The following GEN1 variants were observed in gnomAD, a reference collection of about 807,000 sequenced individuals.
GEN1 encodes the protein flap endonuclease GEN homolog 1.
Under a neutral mutation model 67.6 loss-of-function variants are expected in GEN1, and 64 were observed. That is an observed-to-expected ratio of 0.95 (90% CI 0.77 to 1.17). The LOEUF (loss-of-function observed/expected upper bound fraction) is 1.17. GEN1 is among the 50% of genes most tolerant of loss of function. The pLI, the probability that GEN1 is intolerant of heterozygous loss-of-function variation, is 0.00. For synonymous variants in GEN1, 371 were observed against 359.4 expected, an observed-to-expected ratio of 1.03 and a Z score of -0.37; for missense variants, 1,058 against 1,048.3, an observed-to-expected ratio of 1.01 and a Z score of -0.13.
At chr2:17,759,423 A>T (rs1418054644) in intron 1 of GEN1, among the ~76,000 whole-genome samples, 1 of 152,212 alleles carries the variant, frequency 6.6e-6, no homozygotes. Flanking sequence ...TCTACAATGA[A>T]CATTATGTGA....
rs545764038 is a variant in GEN1, at chr2:17,778,811, G to A, written c.1264+748G>A. On this transcript the variant is annotated intron_variant, in intron 12 of 13. Transcript: ENST00000381254. ...TTTAACCCTGCTTAGTTTTCAGTGG[G>A]AATTTTTTATTGTCAAATTATTCTT... is the stretch of plus-strand genomic sequence containing the variant. Among the ~76,000 whole-genome samples the A allele has an allele frequency of 2.6e-5, 4 of 151,758 alleles. No homozygotes were observed. In the South Asian group the frequency reaches 6.2e-4, roughly 24 times the overall value.
intron 1 of GEN1, chr2:17,755,186 AAAACATCTGGCCTTGTTGTAACC>A (rs1331408254): frequency 6.6e-6 from 1 of 152,248 alleles, no homozygotes; most frequent in Non-Finnish European, 1.5e-5. Context: ...AAAATAGACC[AAAACATCTGGCCTTGTTGTAACC>A]AATGGGAAAC....
chr2:17,778,221 C>CACACACATATATGTGTGTACATATGTAT (rs1672566152), intron 12 of GEN1, among the ~76,000 whole-genome samples, 158 bp downstream of exon 12: 2 of 117,424 alleles, frequency 1.7e-5, no homozygotes, highest in Admixed American at 1.4e-4. Context: ...TATATGTATA[C>CACACACATATATGTGTGTACATATGTAT]ACACACATAT....
Position 17,781,647 on chromosome 2 carries a change from A to G in GEN1, c.2435A>G (p.Lys812Arg), listed in dbSNP as rs144368291. The G allele has an allele frequency of 5.1e-4, 825 of 1,614,060 alleles. 2 individuals are homozygous for G. In the African/African-American group the frequency reaches 7.8e-3, roughly 15 times the overall value. Residue 812 changes from lysine to arginine, a missense_variant, in exon 14 of 14, where the codon AAA becomes AGA. Transcript: ENST00000381254. ...GAACAAAGTGCCCCAGTGTTTGGGA[A>G]AGCTAAGTACACAACTCAAAGAATG... The part of the protein sequence containing the change: ...SDEQSAPVFG[K>R]AKYTTQRMKH...
rs1339373282 is a variant in GEN1 at position 17,782,410 on chromosome 2, C to T, written c.*471C>T. 1 of 152,338 alleles carries T rather than the reference C, an allele frequency of 6.6e-6. No homozygotes were observed. The highest frequency in any genetic ancestry group is 2.4e-5 in the African/African-American group (1 of 41,432). The allele number at this position is 152,338 out of a possible 1,614,324, so 9.4% of individuals were successfully genotyped here. On this transcript the variant is annotated 3_prime_UTR_variant, in exon 14 of 14. Transcript: ENST00000381254. ...AGTGTGAAGATACCTTTAGTGTGCT[C>T]TTCCACTTTGGAAGGCCATGCAAGG...
intron 1 of GEN1, chr2:17,754,627 G>A (rs534733728): frequency 6.6e-6 from 1 of 152,174 alleles, no homozygotes; most frequent in Admixed American, 6.5e-5. Context: ...TGCTTCCCCC[G>A]GGCATGCGAT....
Position 17,782,205 on chromosome 2 carries a change from C to G in GEN1, c.*266C>G, listed in dbSNP as rs944175795. 3.9e-6 allele frequency: 1 copy of G among 255,912 alleles called. No individual in the cohort carries two copies. Among genetic ancestry groups the G allele is most frequent in the African/African-American group, 2.2e-5 (1 of 44,868 alleles). The allele number at this position is 255,912 out of a possible 1,614,324, so 15.9% of individuals were successfully genotyped here. ...GTAGTTTTAAAATATTGGTATAGTA[C>G]TTGACAGAGTAAATACTTCATCTGA... On this transcript the variant is annotated 3_prime_UTR_variant, in exon 14 of 14. Transcript: ENST00000381254.
chr2:17,762,150 T>A (rs569234062), intron 3 of GEN1, among the ~76,000 whole-genome samples: 1 of 150,870 alleles, frequency 6.6e-6, no homozygotes, highest in Non-Finnish European at 1.5e-5. Context: ...TCATCTATAG[T>A]ATATAATTAA....
In GEN1 at chr2:17,788,036, G is replaced by C. The variant is rs1673111183; in HGVS notation, c.*6097G>C. 6.6e-6 allele frequency: 1 copy of C among 152,218 alleles called. No homozygotes were observed. The highest frequency in any genetic ancestry group is 6.5e-5 in the Admixed American group (1 of 15,290). 9.4% of individuals were successfully genotyped at this position (152,218 alleles called of 1,614,324 possible). A position where few individuals can be genotyped will look rare whatever the true frequency, so the allele number is the denominator to read the frequency against. ...GTGGAGAGAGACCAAATCTAACCGG[G>C]TGGATTAGCTTGATACCTAGTCGCC... On this transcript the variant is annotated 3_prime_UTR_variant, in exon 14 of 14. Coordinates refer to ENST00000381254, the MANE Select transcript of GEN1 (RefSeq NM_001130009.3).
intron 12 of GEN1, among the ~76,000 whole-genome samples, chr2:17,778,437 CACACACA>C (rs1558410118): frequency 7.5e-5 from 5 of 66,254 alleles, no homozygotes; most frequent in African/African-American, 3.1e-4. Context: ...TATGTATATA[CACACACA>C]TATATGTGTG....
intron 1 of GEN1, 46 bp from the exon 2 acceptor site, chr2:17,759,883 T>G: frequency 3.3e-6 from 5 of 1,509,284 alleles, no homozygotes; most frequent in Non-Finnish European, 4.6e-6. Context: ...TGTTATGAGC[T>G]TCTGTTTCTT....
In GEN1 at chr2:17,760,161, T is replaced by C. The variant is rs918654755; in HGVS notation, c.161+57T>C. 4.2e-5 allele frequency: 62 copies of C among 1,467,748 alleles called. No individual in the cohort carries two copies. In the Middle Eastern group the frequency reaches 5.4e-4, roughly 13 times the overall value. 90.9% of individuals were successfully genotyped at this position (1,467,748 alleles called of 1,614,324 possible). A position where few individuals can be genotyped will look rare whatever the true frequency, so the allele number is the denominator to read the frequency against. On this transcript the variant is annotated intron_variant, in intron 2 of 13. Coordinates refer to ENST00000381254, the MANE Select transcript of GEN1 (RefSeq NM_001130009.3). Reference sequence around the variant, plus strand: ...TGATGTATAAACAGTCTTGGTATCTTGATTTTGTTTCACCTTTTTTTTTCT... The same window carrying C: ...TGATGTATAAACAGTCTTGGTATCTCGATTTTGTTTCACCTTTTTTTTTCT...
chr2:17,760,268 T>C (rs1671612355), intron 2 of GEN1, among the ~76,000 whole-genome samples, 164 bp downstream of exon 2: 2 of 152,336 alleles, frequency 1.3e-5, no homozygotes, highest in South Asian at 4.1e-4. Context: ...TATTAAGGAC[T>C]CACATTCGTA....
At chr2:17,773,805 C>T (rs1365397031) in intron 10 of GEN1, among the ~76,000 whole-genome samples, 4 of 152,036 alleles carry the variant, frequency 2.6e-5, no homozygotes, top group African/African-American at 9.7e-5. Flanking sequence ...GCTAGGGACA[C>T]GGAGTGGCTC....
At position 17,778,273 on chromosome 2, in the gene GEN1, TATGTATATACACACAC is replaced by T. The variant is rs1672587357; in HGVS notation, c.1264+215_1264+230del. Reference sequence around the variant, plus strand: ...GTATACACACATATGTGTGTACATATATGTATATACACACACATGTGTGTGTACATATATGTATATA... The same window carrying T: ...GTATACACACATATGTGTGTACATATATGTGTGTGTACATATATGTATATA... On this transcript the variant is annotated intron_variant, in intron 12 of 13. Transcript: ENST00000381254. 2.3e-5 allele frequency among the ~76,000 whole-genome samples: 2 copies of T among 87,020 alleles called. 1 individual carries two copies. Among genetic ancestry groups the T allele is most frequent in the African/African-American group, 7.6e-5 (2 of 26,474 alleles). The allele number at this position is 87,020 out of a possible 152,430, so 57.1% of individuals were successfully genotyped here.
In GEN1 at chr2:17,781,753, TAAAG is replaced by T. The variant is rs1672850735; in HGVS notation, c.2545_2548del (p.Glu849LeufsTer26). The T allele has an allele frequency of 6.2e-6, 10 of 1,613,404 alleles. No homozygotes were observed. The highest frequency in any genetic ancestry group is 8.5e-6 in the Non-Finnish European group (10 of 1,179,700). ...AGTTGAGTAGCCCTAAGATACATAT[TAAAG>T]AAACTGAACAGTGTGTCAGATCTTA... On this transcript the variant is annotated frameshift_variant, in exon 14 of 14. Transcript: ENST00000381254. LOFTEE classifies it low-confidence loss of function (END_TRUNC).
In GEN1 at chr2:17,788,086, C is replaced by T; in HGVS notation, c.*6147C>T. The T allele has an allele frequency of 6.6e-6, 1 of 152,210 alleles. No individual in the cohort carries two copies. The highest frequency in any genetic ancestry group is 1.5e-5 in the Non-Finnish European group (1 of 68,056). 9.4% of individuals were successfully genotyped at this position (152,210 alleles called of 1,614,324 possible). ...CTTTAGCCACTTCAAGACGCCCTGC[C>T]AAGATGCTTGCTTTCTGAAGGTGAA... On this transcript the variant is annotated 3_prime_UTR_variant, in exon 14 of 14. Transcript: ENST00000381254.
In GEN1 at chr2:17,778,082, C is replaced by G. The variant is rs774829345; in HGVS notation, c.1264+19C>G. 4.4e-6 allele frequency: 6 copies of G among 1,356,366 alleles called. No homozygotes were observed. The Admixed American group carries it at 5.1e-5, about 12-fold the overall frequency. 84.0% of individuals were successfully genotyped at this position (1,356,366 alleles called of 1,614,324 possible). A position where few individuals can be genotyped will look rare whatever the true frequency, so the allele number is the denominator to read the frequency against. On this transcript the variant is annotated intron_variant, in intron 12 of 13. Coordinates refer to ENST00000381254, the MANE Select transcript of GEN1 (RefSeq NM_001130009.3). Reference sequence around the variant, plus strand: ...AAGCCTGGTATGTATTCACTTTAAGCAAAATATTCCATTTATAATATTTGA... The same window carrying G: ...AAGCCTGGTATGTATTCACTTTAAGGAAAATATTCCATTTATAATATTTGA...
In GEN1 at chr2:17,771,315, G is replaced by A. The variant is rs111344949; in HGVS notation, c.802+28G>A. On this transcript the variant is annotated intron_variant, in intron 7 of 13. Transcript: ENST00000381254. ...AAGGAGACATAGGGAATGGTTATTA[G>A]TATCTCATACCCATGTTTTAATTCT... 17 of 1,249,518 alleles carry A rather than the reference G, an allele frequency of 1.4e-5. 1 individual carries two copies. The African/African-American group carries it at 1.8e-4, about 13-fold the overall frequency. The allele number at this position is 1,249,518 out of a possible 1,614,324, so 77.4% of individuals were successfully genotyped here.
Sources: gnomAD v4.1 joint callset for allele counts (sites outside exome capture counted in the v4.1 genomes callset) on GRCh38, gnomAD v4.1.1 for gene constraint, MANE v1.5 for transcripts, NCBI Gene and HGNC (gene_info 2026-07-23, HGNC 2026-07-21) for gene names.